PPP4R3B: variants seen among roughly 807,000 people sequenced by gnomAD.
The protein encoded by PPP4R3B is serine/threonine-protein phosphatase 4 regulatory subunit 3B.
PPP4R3B carries 52 observed loss-of-function variants against 95.4 expected under a neutral mutation model. The ratio of observed to expected loss-of-function variants is 0.54; its 90% CI spans 0.44 to 0.69. The LOEUF (loss-of-function observed/expected upper bound fraction) is 0.69, where lower values mean the gene tolerates loss of function less well. Among genes scored for constraint, PPP4R3B ranks in the 30% least tolerant of loss-of-function variants. PPP4R3B has a pLI of 0.00. For missense variants in PPP4R3B, 1,003 were observed against 1,005.9 expected, an observed-to-expected ratio of 1.00 and a Z score of 0.04; for synonymous variants, 407 against 343.9, an observed-to-expected ratio of 1.18 and a Z score of -2.03.
chr2:55,580,003 C>A (rs1689226339), intron 8 of PPP4R3B, among the ~76,000 whole-genome samples: 1 of 152,066 alleles, frequency 6.6e-6, no homozygotes, highest in African/African-American at 2.4e-5. Context: ...AATCTTATTT[C>A]TGTGGAACTG....
At chr2:55,565,073 T>A in intron 13 of PPP4R3B, 32 bp from the exon 14 acceptor site, 1 of 1,489,902 alleles carries the variant, frequency 6.7e-7, no homozygotes. Context: ...ATTTAAAATA[T>A]AATACAATGC....
At chr2:55,552,410 T>TA (rs942559586) in intron 16 of PPP4R3B, among the ~76,000 whole-genome samples, 9 of 152,166 alleles carry the variant, frequency 5.9e-5, no homozygotes, top group African/African-American at 1.2e-4. Context: ...TATATATATA[T>TA]TTTTTAAGAG....
At chr2:55,599,864 T>C (rs1303556438) in intron 3 of PPP4R3B, among the ~76,000 whole-genome samples, 1 of 152,224 alleles carries the variant, frequency 6.6e-6, no homozygotes, top group Non-Finnish European at 1.5e-5. Flanking sequence ...CTCAACTTCC[T>C]CTAACATTTC....
intron 3 of PPP4R3B, among the ~76,000 whole-genome samples, chr2:55,602,157 T>C (rs529564171): frequency 1.1e-4 from 16 of 152,328 alleles, no homozygotes; most frequent in African/African-American, 2.6e-4. Context: ...AGGTATGACA[T>C]GGTTTTATAG....
intron 1 of PPP4R3B, 60 bp from the exon 2 acceptor site, chr2:55,615,566 A>T: frequency 7.9e-7 from 1 of 1,269,734 alleles, no homozygotes; most frequent in Non-Finnish European, 1.1e-6. Context: ...AATAAAAATT[A>T]GAATACACAT....
chr2:55,599,430 T>A (rs1692247286), intron 3 of PPP4R3B, among the ~76,000 whole-genome samples: 1 of 151,930 alleles, frequency 6.6e-6, no homozygotes, highest in South Asian at 2.1e-4. Context: ...AAAGCAAGAC[T>A]CTGTCTCAAA....
intron 4 of PPP4R3B, among the ~76,000 whole-genome samples, chr2:55,598,152 G>A (rs529749115): frequency 9.2e-5 from 14 of 152,214 alleles, no homozygotes; most frequent in East Asian, 1.9e-4. Flanking sequence ...CCCGGGAAGC[G>A]TAGGTTGCAG....
intron 2 of PPP4R3B, chr2:55,615,228 A>T: frequency 2.1e-6 from 1 of 479,954 alleles, no homozygotes; most frequent in Middle Eastern, 5.7e-4. Flanking sequence ...TAATAAATAC[A>T]TCTTAGAATA....
At chr2:55,600,219 G>C (rs1692348688) in intron 3 of PPP4R3B, among the ~76,000 whole-genome samples, 1 of 152,024 alleles carries the variant, frequency 6.6e-6, no homozygotes, top group African/African-American at 2.4e-5. Context: ...CTGAGGTCAG[G>C]AGTTCAAGAC....
chr2:55,590,193 G>A (rs1223363297), intron 4 of PPP4R3B, among the ~76,000 whole-genome samples: 1 of 151,152 alleles, frequency 6.6e-6, no homozygotes, highest in African/African-American at 2.4e-5. Context: ...CAGGCATGGT[G>A]GCACATGCCT....
rs1692113330 is a variant in PPP4R3B at position 55,598,512 on chromosome 2, G to T, written c.825C>A (p.Ile275=). 1 of 1,614,130 alleles carries T rather than the reference G, an allele frequency of 6.2e-7. No individual in the cohort carries two copies. Among genetic ancestry groups the T allele is most frequent in the Non-Finnish European group, 8.5e-7 (1 of 1,180,024 alleles). Residue 275 remains isoleucine (I), a synonymous_variant, in exon 4 of 17, where the codon ATC becomes ATA. Transcript: ENST00000616407. ...QTYRVQYIQD[I]ILPTPSVFEE... ...CAAAAACAGATGGTGTGGGCAAAAT[G>T]ATGTCCTGAATGTACTGTACCCTGT...
intron 1 of PPP4R3B, among the ~76,000 whole-genome samples, chr2:55,616,825 G>T (rs893655620): frequency 6.6e-6 from 1 of 152,076 alleles, no homozygotes; most frequent in Non-Finnish European, 1.5e-5. Context: ...GAAGGTGTCA[G>T]CTCCTAGGGC....
At chr2:55,593,282 T>G (rs1691291401) in intron 4 of PPP4R3B, among the ~76,000 whole-genome samples, 1 of 152,230 alleles carries the variant, frequency 6.6e-6, no homozygotes, top group Admixed American at 6.5e-5. Flanking sequence ...GTCCCTATCA[T>G]GCTTAAGATA....
chr2:55,573,305 C>T (rs1362720130), intron 12 of PPP4R3B, among the ~76,000 whole-genome samples: 1 of 152,064 alleles, frequency 6.6e-6, no homozygotes, highest in Non-Finnish European at 1.5e-5. Flanking sequence ...TAAAGAGTGA[C>T]TGACTACTAA....
At position 55,611,006 on chromosome 2, in the gene PPP4R3B, C is replaced by CA. The variant is rs1307460379; in HGVS notation, c.198+4444dup. Among the ~76,000 whole-genome samples the CA allele has an allele frequency of 2.0e-5, 3 of 152,064 alleles. No homozygotes were observed. The South Asian group carries it at 6.2e-4, about 32-fold the overall frequency. ...TCAGATTCCCAAGCAGCTGGGACTA[C>CA]AGGTGTGTGTCACCATGCCCAGCTA... On this transcript the variant is annotated intron_variant, in intron 2 of 16. Coordinates refer to ENST00000616407, the MANE Select transcript of PPP4R3B (RefSeq NM_001122964.3).
Position 55,617,592 on chromosome 2 carries a change from TTGTA to T in PPP4R3B, c.-311_-308del. The T allele has an allele frequency of 3.6e-6, 1 of 276,064 alleles. No homozygotes were observed. The highest frequency in any genetic ancestry group is 5.0e-5 in the Admixed American group (1 of 20,072). The allele number at this position is 276,064 out of a possible 1,614,324, so 17.1% of individuals were successfully genotyped here. A position where few individuals can be genotyped will look rare whatever the true frequency, so the allele number is the denominator to read the frequency against. On this transcript the variant is annotated 5_prime_UTR_variant, in exon 1 of 17. Coordinates refer to ENST00000616407, the MANE Select transcript of PPP4R3B (RefSeq NM_001122964.3). ...CGGTAACTACTACAGATCCGCCATC[TTGTA>T]ACCCGACTCTCTCTGCCTTTCTCTT...
chr2:55,585,061 T>A lies in PPP4R3B; in HGVS notation c.1223A>T (p.Gln408Leu). 1 of 1,610,282 alleles carries A rather than the reference T, an allele frequency of 6.2e-7. No homozygotes were observed. The highest frequency in any genetic ancestry group is 8.5e-7 in the Non-Finnish European group (1 of 1,177,926). Reference protein sequence around the residue: ...VREFVMQEAQQSDDDILLINV... With the variant: ...VREFVMQEAQLSDDDILLINV... Reference sequence around the variant, plus strand: ...AGCATTATTACTTACGTCATCACTCTGCTGAGCTTCTTGCATTACAAACTC... The same window carrying A: ...AGCATTATTACTTACGTCATCACTCAGCTGAGCTTCTTGCATTACAAACTC... The change falls in exon 7 of 17, where the codon CAG (glutamine) becomes CTG (leucine). Residue 408 changes from glutamine to leucine, a missense_variant. Gln to Leu is a moderately radical substitution (Grantham distance 113). Coordinates refer to ENST00000616407, the MANE Select transcript of PPP4R3B (RefSeq NM_001122964.3).
At chr2:55,606,990 T>G (rs1245149863) in intron 2 of PPP4R3B, among the ~76,000 whole-genome samples, 1 of 152,176 alleles carries the variant, frequency 6.6e-6, no homozygotes, top group Non-Finnish European at 1.5e-5. Context: ...AGTTCATTTG[T>G]ACTTATATCA....
intron 16 of PPP4R3B, among the ~76,000 whole-genome samples, chr2:55,554,435 T>A (rs893112575): frequency 6.6e-6 from 1 of 152,252 alleles, no homozygotes; most frequent in African/African-American, 2.4e-5. Context: ...GCATCTTTTT[T>A]ATTATAGCTA....
Sources: allele counts gnomAD v4.1 joint callset (sites outside exome capture counted in the v4.1 genomes callset), GRCh38; gene constraint gnomAD v4.1.1; transcripts MANE v1.5; gene names NCBI Gene and HGNC (gene_info 2026-07-23, HGNC 2026-07-21).